SNTG1: variants seen among roughly 807,000 people sequenced by gnomAD.
SNTG1 encodes syntrophin gamma 1.
In SNTG1, 39 loss-of-function variants were observed where a neutral mutation model predicts 74.7. That is an observed-to-expected ratio of 0.52 (90% CI 0.40 to 0.68). The LOEUF (loss-of-function observed/expected upper bound fraction) is 0.68. Ranked by LOEUF, SNTG1 falls within the 30% of genes least tolerant of loss-of-function variation. The pLI is 0.00. For synonymous variants in SNTG1, 254 were observed against 217.1 expected, an observed-to-expected ratio of 1.17 and a Z score of -1.49; for missense variants, 685 against 609.5, an observed-to-expected ratio of 1.12 and a Z score of -1.30.
intron 17 of SNTG1, among the ~76,000 whole-genome samples, chr8:50,709,737 A>G (rs1399979472): frequency 6.6e-6 from 1 of 152,168 alleles, no homozygotes; most frequent in Non-Finnish European, 1.5e-5. Context: ...ACAGTTTGTG[A>G]CTTGGAACTG....
At chr8:50,671,083 A>G (rs1410504825) in intron 15 of SNTG1, among the ~76,000 whole-genome samples, 1 of 151,834 alleles carries the variant, frequency 6.6e-6, no homozygotes, top group Non-Finnish European at 1.5e-5. Flanking sequence ...CTAAAACCAT[A>G]AAAACCCTAG....
chr8:50,363,400 G>C (rs2092016910), intron 2 of SNTG1, among the ~76,000 whole-genome samples: 1 of 152,268 alleles, frequency 6.6e-6, no homozygotes, highest in African/African-American at 2.4e-5. Flanking sequence ...TGCAGAGCGG[G>C]GTTAGAGCCT....
At chr8:50,678,469 T>C (rs2095318020) in intron 15 of SNTG1, among the ~76,000 whole-genome samples, 2 of 152,150 alleles carry the variant, frequency 1.3e-5, no homozygotes, top group African/African-American at 4.8e-5. Flanking sequence ...GACAGGGCTG[T>C]AATGTTTACA....
At chr8:50,018,819 A>T (rs571911341) in intron 1 of SNTG1, among the ~76,000 whole-genome samples, 29 of 152,154 alleles carry the variant, frequency 1.9e-4, no homozygotes, top group African/African-American at 7.0e-4. Flanking sequence ...TAAACAAAGA[A>T]ACAAAAAATA....
At chr8:50,274,880 C>T (rs552422429) in intron 2 of SNTG1, among the ~76,000 whole-genome samples, 3 of 152,126 alleles carry the variant, frequency 2.0e-5, no homozygotes, top group Non-Finnish European at 2.9e-5. Flanking sequence ...GTTGAACTAG[C>T]GTCAAATATG....
At chr8:50,592,993 T>C (rs1454053635) in intron 13 of SNTG1, among the ~76,000 whole-genome samples, 1 of 152,208 alleles carries the variant, frequency 6.6e-6, no homozygotes, top group African/African-American at 2.4e-5. Flanking sequence ...CTAGAGTACA[T>C]TTCCTATTTA....
intron 10 of SNTG1, among the ~76,000 whole-genome samples, chr8:50,531,679 C>T (rs7004506): frequency 6.6e-6 from 1 of 152,150 alleles, no homozygotes; most frequent in African/African-American, 2.4e-5. Flanking sequence ...GTGTTTGGCA[C>T]CACATGCCCT....
intron 1 of SNTG1, among the ~76,000 whole-genome samples, chr8:50,077,251 C>G (rs1026676912): frequency 2.6e-5 from 4 of 152,112 alleles, no homozygotes; most frequent in African/African-American, 9.7e-5. Flanking sequence ...CCTTCCAAAT[C>G]TGGTTGGCAG....
At position 50,794,062 on chromosome 8, in the gene SNTG1, A is replaced by T. The variant is rs1295855833; in HGVS notation, c.*1233A>T. 1.3e-5 allele frequency: 2 copies of T among 151,786 alleles called. No homozygotes were observed. The highest frequency in any genetic ancestry group is 2.9e-5 in the Non-Finnish European group (2 of 67,866). 9.4% of individuals were successfully genotyped at this position (151,786 alleles called of 1,614,324 possible). A position where few individuals can be genotyped will look rare whatever the true frequency, so the allele number is the denominator to read the frequency against. On this transcript the variant is annotated 3_prime_UTR_variant, in exon 19 of 19. Coordinates refer to ENST00000642720, the MANE Select transcript of SNTG1 (RefSeq NM_018967.5). ...CAACTAGTTGTATAACATGGAACACAGTCTCTGTCCTTCAGTACAGCTTTT... is the reference window on the plus strand; with the variant it reads ...CAACTAGTTGTATAACATGGAACACTGTCTCTGTCCTTCAGTACAGCTTTT...
At chr8:50,161,549 T>C (rs1476826947) in intron 1 of SNTG1, among the ~76,000 whole-genome samples, 1 of 152,028 alleles carries the variant, frequency 6.6e-6, no homozygotes, top group East Asian at 1.9e-4. Flanking sequence ...TTCTAGGGAC[T>C]TTCCAAGAGG....
chr8:50,488,188 G>A (rs1328344813), intron 8 of SNTG1, among the ~76,000 whole-genome samples: 3 of 152,024 alleles, frequency 2.0e-5, no homozygotes, highest in Non-Finnish European at 2.9e-5. Flanking sequence ...GATAGATGAT[G>A]ATCATCCTGA....
At chr8:50,304,890 A>G (rs1232636350) in intron 2 of SNTG1, among the ~76,000 whole-genome samples, 4 of 151,230 alleles carry the variant, frequency 2.6e-5, no homozygotes, top group Non-Finnish European at 4.4e-5. Context: ...AGGAACTTTT[A>G]TTTTTATTTT....
intron 1 of SNTG1, among the ~76,000 whole-genome samples, chr8:50,027,861 C>A (rs548273927): frequency 6.6e-6 from 1 of 152,294 alleles, no homozygotes; most frequent in Non-Finnish European, 1.5e-5. Context: ...TTCATCCCAT[C>A]CCTTAAATGA....
chr8:50,391,770 G>T (rs1337586147), intron 2 of SNTG1, among the ~76,000 whole-genome samples: 1 of 152,076 alleles, frequency 6.6e-6, no homozygotes, highest in Non-Finnish European at 1.5e-5. Context: ...TCTATTCAGA[G>T]ACTCAACTTC....
intron 18 of SNTG1, among the ~76,000 whole-genome samples, chr8:50,777,950 G>A (rs2095646067): frequency 6.6e-6 from 1 of 151,918 alleles, no homozygotes; most frequent in Non-Finnish European, 1.5e-5. Context: ...AGAATATGCG[G>A]TGTTTGGTTT....
At chr8:50,702,456 T>C (rs1375347955) in intron 15 of SNTG1, among the ~76,000 whole-genome samples, 2 of 152,168 alleles carry the variant, frequency 1.3e-5, no homozygotes, top group East Asian at 3.9e-4. Flanking sequence ...ATTAGCTCTC[T>C]TCCAGCAATT....
chr8:50,339,701 C>T (rs554556255), intron 2 of SNTG1, among the ~76,000 whole-genome samples: 2 of 151,650 alleles, frequency 1.3e-5, no homozygotes, highest in South Asian at 4.2e-4. Context: ...CAATTACAAC[C>T]TGAGAAGGCA....
intron 1 of SNTG1, among the ~76,000 whole-genome samples, chr8:49,939,704 G>A (rs1381761646): frequency 4.6e-5 from 7 of 152,054 alleles, no homozygotes; most frequent in Admixed American, 3.3e-4. Flanking sequence ...TAGTCATTAA[G>A]CCTTTTAAAA....
At chr8:50,645,699 C>G (rs10111994) in intron 13 of SNTG1, among the ~76,000 whole-genome samples, 32,195 of 152,058 alleles carry the variant, frequency 0.21, 3,783 homozygotes, top group African/African-American at 0.3. Flanking sequence ...ATGAAGGGCT[C>G]GTGGAACACT....
Sources: allele counts gnomAD v4.1 joint callset (sites outside exome capture counted in the v4.1 genomes callset), GRCh38; gene constraint gnomAD v4.1.1; transcripts MANE v1.5; gene names NCBI Gene and HGNC (gene_info 2026-07-23, HGNC 2026-07-21).